The following PIK3C2G variants were observed in gnomAD, a reference collection of about 807,000 sequenced individuals.
PIK3C2G encodes phosphatidylinositol-4-phosphate 3-kinase catalytic subunit type 2 gamma.
Under a neutral mutation model 181.1 loss-of-function variants are expected in PIK3C2G, and 168 were observed. The observed-to-expected ratio is 0.93, with a 90% CI of 0.82 to 1.05. The LOEUF is 1.05. Among genes scored for constraint, PIK3C2G ranks in the 50% least tolerant of loss-of-function variants. PIK3C2G has a pLI of 0.00. For synonymous variants in PIK3C2G, 573 were observed against 592.2 expected (o/e 0.97, Z 0.47); for missense variants, 1,869 against 1,732.8 (o/e 1.08, Z -1.40).
intron 5 of PIK3C2G, among the ~76,000 whole-genome samples, chr12:18,300,261 T>C (rs1403785419): frequency 6.6e-6 from 1 of 152,002 alleles, no homozygotes; most frequent in Non-Finnish European, 1.5e-5. Flanking sequence ...GAATCAATCT[T>C]GATAAGTTGT....
At chr12:18,671,137 C>T in the PIK3C2G span, among the ~76,000 whole-genome samples, 3 of 148,204 alleles carry the variant, frequency 2.0e-5, no homozygotes, top group East Asian at 2.0e-4. Context: ...AGCAGTGAGC[C>T]GAAATCAGGC....
intron 24 of PIK3C2G, among the ~76,000 whole-genome samples, chr12:18,528,079 C>G (rs1943341373): frequency 6.6e-6 from 1 of 152,130 alleles, no homozygotes; most frequent in Non-Finnish European, 1.5e-5. Flanking sequence ...TACATGCACT[C>G]TCATGTTCTC....
At chr12:18,390,260 T>C (rs1456005514) in intron 14 of PIK3C2G, among the ~76,000 whole-genome samples, 1 of 152,176 alleles carries the variant, frequency 6.6e-6, no homozygotes, top group Admixed American at 6.5e-5. Flanking sequence ...CACCATCTAC[T>C]TTGTAAGGTT....
At position 18,541,815 on chromosome 12, in the gene PIK3C2G, T is replaced by C. The variant is rs77439373; in HGVS notation, c.3480+3503T>C. 6.6e-3 allele frequency among the ~76,000 whole-genome samples: 1,005 copies of C among 151,954 alleles called. 11 individuals carry two copies. The highest frequency in any genetic ancestry group is 0.023 in the African/African-American group (970 of 41,516). On this transcript the variant is annotated intron_variant, in intron 25 of 32. Transcript: ENST00000538779. ...GTGGCTAGGGGTCAGAGAAGAGACA[T>C]AGCTAAGTGTACCCGGCTAAGAGGC...
intron 31 of PIK3C2G, among the ~76,000 whole-genome samples, chr12:18,639,344 G>A (rs1478146122): frequency 2.0e-5 from 3 of 151,918 alleles, no homozygotes; most frequent in South Asian, 2.1e-4. Context: ...TGGGTGTGGG[G>A]GTGCACTGGT....
intron 30 of PIK3C2G, chr12:18,607,281 C>A: frequency 4.7e-6 from 2 of 430,024 alleles, no homozygotes; most frequent in Non-Finnish European, 9.2e-6. Flanking sequence ...GTTTGTAGAA[C>A]TAAACATACG....
the PIK3C2G span, among the ~76,000 whole-genome samples, chr12:18,673,506 G>C: frequency 6.6e-6 from 1 of 152,182 alleles, no homozygotes; most frequent in South Asian, 2.1e-4. Flanking sequence ...AACGAACAAG[G>C]CTAGAGAAGC....
chr12:18,693,144 G>C, the PIK3C2G span: 3 of 1,516,254 alleles, frequency 2.0e-6, no homozygotes, highest in African/African-American at 4.1e-5. Flanking sequence ...TCATGCCATC[G>C]TGTCTACATC....
intron 31 of PIK3C2G, among the ~76,000 whole-genome samples, chr12:18,637,182 GCA>G (rs527994119): frequency 3.0e-4 from 45 of 152,078 alleles, no homozygotes; most frequent in Non-Finnish European, 5.9e-4. Context: ...TTCCCCTAGT[GCA>G]CAGTTTTCCT....
intron 18 of PIK3C2G, among the ~76,000 whole-genome samples, chr12:18,446,808 C>T (rs1947055056): frequency 6.6e-6 from 1 of 152,080 alleles, no homozygotes. Flanking sequence ...AAATGAAGGG[C>T]ACTCTGTTTT....
At chr12:18,703,366 T>A in the PIK3C2G span, among the ~76,000 whole-genome samples, 2 of 152,198 alleles carry the variant, frequency 1.3e-5, no homozygotes, top group Admixed American at 1.3e-4. Flanking sequence ...TTAAATAAAA[T>A]GTTAAAAGAA....
chr12:18,379,281 A>T (rs972744185), intron 13 of PIK3C2G, among the ~76,000 whole-genome samples: 1 of 148,506 alleles, frequency 6.7e-6, no homozygotes, highest in Non-Finnish European at 1.5e-5. Context: ...ACCAAACACC[A>T]CATGTTCTCA....
chr12:18,420,725 A>C (rs1945433981), intron 16 of PIK3C2G, among the ~76,000 whole-genome samples: 1 of 152,094 alleles, frequency 6.6e-6, no homozygotes, highest in South Asian at 2.1e-4. Context: ...CACATTTCCA[A>C]AGTCTAGTTG....
At chr12:18,289,608 A>AAAATTG (rs1442914590) in intron 3 of PIK3C2G, among the ~76,000 whole-genome samples, 12 of 152,288 alleles carry the variant, frequency 7.9e-5, no homozygotes, top group Admixed American at 6.5e-4. Context: ...GCTTACTTGG[A>AAAATTG]AAATTGTTAG....
chr12:18,551,930 T>A (rs1300621063), intron 26 of PIK3C2G, among the ~76,000 whole-genome samples: 1 of 152,122 alleles, frequency 6.6e-6, no homozygotes, highest in African/African-American at 2.4e-5. Context: ...TTGTCCTTAT[T>A]GGACAAGTTC....
intron 6 of PIK3C2G, chr12:18,320,089 T>C (rs1398384597): frequency 1.3e-5 from 2 of 152,230 alleles, no homozygotes. Flanking sequence ...GTTTTCCTTC[T>C]GATGTTTTCT....
the PIK3C2G span, among the ~76,000 whole-genome samples, chr12:18,722,053 T>G: frequency 6.6e-6 from 1 of 152,148 alleles, no homozygotes; most frequent in African/African-American, 2.4e-5. Context: ...CAATTCAGAT[T>G]TAATGCTTCC....
At chr12:18,530,047 C>T (rs1943463493) in intron 24 of PIK3C2G, among the ~76,000 whole-genome samples, 1 of 152,154 alleles carries the variant, frequency 6.6e-6, no homozygotes, top group African/African-American at 2.4e-5. Context: ...CCAGCAATGG[C>T]ACATGTCTGT....
intron 11 of PIK3C2G, among the ~76,000 whole-genome samples, chr12:18,355,105 A>T (rs1034153238): frequency 1.3e-5 from 2 of 152,238 alleles, no homozygotes; most frequent in Non-Finnish European, 2.9e-5. Flanking sequence ...TGGAGGCTTA[A>T]TTAGCAGAAA....
Sources: allele counts gnomAD v4.1 joint callset (sites outside exome capture counted in the v4.1 genomes callset), GRCh38; gene constraint gnomAD v4.1.1; transcripts MANE v1.5; gene names NCBI Gene and HGNC (gene_info 2026-07-23, HGNC 2026-07-21).